Variants in FAM186A observed in about 807,000 individuals in gnomAD.
FAM186A encodes protein FAM186A.
Under a neutral mutation model 216.8 loss-of-function variants are expected in FAM186A, and 163 were observed. That is an observed-to-expected ratio of 0.75 (90% CI 0.66 to 0.86). The LOEUF is 0.86. Among genes scored for constraint, FAM186A ranks in the 40% least tolerant of loss-of-function variants. FAM186A has a pLI of 0.00. For synonymous variants in FAM186A, 805 were observed against 1,025.3 expected, an observed-to-expected ratio of 0.79 and a Z score of 4.10; for missense variants, 2,184 against 2,746.2, an observed-to-expected ratio of 0.80 and a Z score of 4.58.
intron 1 of FAM186A, among the ~76,000 whole-genome samples, chr12:50,378,913 A>T (rs961674952): frequency 3.9e-5 from 6 of 152,212 alleles, no homozygotes; most frequent in African/African-American, 1.4e-4. Context: ...TTTCTGCAGC[A>T]TTGTTTGTAA....
Position 50,356,209 on chromosome 12 carries a change from ACT to A in FAM186A, c.621_622del (p.Arg207SerfsTer18). On this transcript the variant is annotated frameshift_variant, in exon 4 of 8. Coordinates refer to ENST00000327337, the MANE Select transcript of FAM186A (RefSeq NM_001145475.3). LOFTEE classifies it high-confidence loss of function. ...ACGGGCTGTTGAAGGTCGTTTTATA[ACT>A]CTTTCTTTCCAAGATTTCCATAGAG... The A allele has an allele frequency of 1.3e-6, 2 of 1,550,422 alleles. No individual in the cohort carries two copies. The highest frequency in any genetic ancestry group is 1.4e-5 in the African/African-American group (1 of 73,080).
intron 1 of FAM186A, among the ~76,000 whole-genome samples, chr12:50,394,985 C>T (rs1452076584): frequency 6.6e-6 from 1 of 151,784 alleles, no homozygotes; most frequent in Non-Finnish European, 1.5e-5. Flanking sequence ...TCACCTTGAC[C>T]TCCTAAAGTG....
chr12:50,331,898 C>T (rs1321767841), intron 5 of FAM186A, 77 bp from the exon 6 acceptor site: 7 of 1,243,786 alleles, frequency 5.6e-6, no homozygotes, highest in Non-Finnish European at 7.6e-6. Context: ...AGAGCTGGCC[C>T]TAGACTAAAC....
At chr12:50,383,348 G>C (rs933695093) in intron 1 of FAM186A, among the ~76,000 whole-genome samples, 2 of 139,002 alleles carry the variant, frequency 1.4e-5, no homozygotes, top group Middle Eastern at 7.9e-3. Context: ...TGTAATCCCA[G>C]CACTTTGGGA....
At chr12:50,339,478 A>C (rs115038075) in intron 4 of FAM186A, among the ~76,000 whole-genome samples, 3 of 152,256 alleles carry the variant, frequency 2.0e-5, no homozygotes, top group Admixed American at 1.3e-4. Context: ...CTTTCAAAAC[A>C]TTTAGGTGGA....
chr12:50,395,728 G>C (rs905631037), intron 1 of FAM186A, among the ~76,000 whole-genome samples: 3 of 152,034 alleles, frequency 2.0e-5, no homozygotes, highest in Admixed American at 2.0e-4. Flanking sequence ...CTGGCTAATA[G>C]CTGTTTGATA....
intron 1 of FAM186A, among the ~76,000 whole-genome samples, chr12:50,364,664 G>A (rs964186058): frequency 2.2e-4 from 33 of 152,112 alleles, no homozygotes; most frequent in African/African-American, 7.7e-4. Context: ...TGCTTTGGGA[G>A]ACCAAAGCGG....
intron 3 of FAM186A, among the ~76,000 whole-genome samples, chr12:50,358,859 G>A (rs1943003657): frequency 6.7e-6 from 1 of 148,432 alleles, no homozygotes; most frequent in African/African-American, 2.5e-5. Flanking sequence ...GGAGGTGGAG[G>A]TTGTAGTGAG....
intron 4 of FAM186A, 135 bp from the exon 5 acceptor site, chr12:50,334,238 C>T: frequency 2.7e-6 from 2 of 736,424 alleles, no homozygotes; most frequent in Non-Finnish European, 4.2e-6. Flanking sequence ...ATGGTGCAAT[C>T]ATGGCTTATT....
rs1383898895 is a variant in FAM186A, at chr12:50,346,237, A to AAAGAAAGAAAGCAAG, written c.6503+4091_6503+4092insCTTGCTTTCTTTCTT. On this transcript the variant is annotated intron_variant, in intron 4 of 7. Transcript: ENST00000327337. ...AGAGAGAAGGAAAGAAAGAAAGAAA[A>AAAGAAAGAAAGCAAG]AAAGAAAGAAAGAAAGAAAGAAAGA... is the stretch of plus-strand genomic sequence containing the variant. 3.9e-5 allele frequency among the ~76,000 whole-genome samples: 4 copies of AAAGAAAGAAAGCAAG among 102,184 alleles called. 1 individual carries two copies. The highest frequency in any genetic ancestry group is 1.2e-4 in the Admixed American group (1 of 8,062). The allele number at this position is 102,184 out of a possible 152,430, so 67.0% of individuals were successfully genotyped here.
chr12:50,365,690 G>A (rs1943080655), intron 1 of FAM186A: 3 of 732,998 alleles, frequency 4.1e-6, no homozygotes, highest in Non-Finnish European at 5.0e-6. Context: ...ACTGAAGCAA[G>A]AATCACAAAA....
Position 50,352,452 on chromosome 12 carries a change from G to C in FAM186A, c.4380C>G (p.Thr1460=), listed in dbSNP as rs761850795. The change falls in exon 4 of 8, where the codon ACC becomes ACG. Residue 1460 remains threonine, a synonymous_variant. Coordinates refer to ENST00000327337, the MANE Select transcript of FAM186A (RefSeq NM_001145475.3). ...QQAQELGITL[T]PQQAQELGIP... Reference sequence around the variant, plus strand: ...TCCCCAATTCCTGAGCCTGCTGAGGGGTGAGAGTGATCCCCAGCTCCTGAG... The same window carrying C: ...TCCCCAATTCCTGAGCCTGCTGAGGCGTGAGAGTGATCCCCAGCTCCTGAG... 1 of 1,502,686 alleles carries C rather than the reference G, an allele frequency of 6.7e-7. No homozygotes were observed. The allele number at this position is 1,502,686 out of a possible 1,614,324, so 93.1% of individuals were successfully genotyped here.
intron 4 of FAM186A, among the ~76,000 whole-genome samples, chr12:50,347,404 G>A (rs1443975348): frequency 6.6e-6 from 1 of 152,068 alleles, no homozygotes; most frequent in Non-Finnish European, 1.5e-5. Context: ...GAAAATAACA[G>A]AGACTGGAAG....
chr12:50,355,470 C>A lies in FAM186A; in HGVS notation c.1362G>T (p.Glu454Asp), dbSNP rs1000261933. 1 of 1,551,182 alleles carries A rather than the reference C, an allele frequency of 6.4e-7. No homozygotes were observed. The highest frequency in any genetic ancestry group is 2.4e-5 in the East Asian group (1 of 40,910). ...GDFYQEDETD[E>D]YQSWKRSHKK... The stretch of plus-strand genomic sequence containing the variant: ...TGTGGCTTCTTTTCCATGATTGATA[C>A]TCATCAGTCTCATCTTCCTGATAGA... Residue 454 changes from glutamate to aspartate, a missense_variant, in exon 4 of 8, where the codon GAG becomes GAT. Glu to Asp is a conservative substitution (Grantham distance 45). This residue lies in a region of FAM186A where 1,132 missense variants were observed against 1,263.4 expected (regional missense o/e 0.90). Transcript: ENST00000327337.
chr12:50,360,943 A>C lies in FAM186A; in HGVS notation c.413-17T>G. The C allele has an allele frequency of 2.0e-6, 3 of 1,518,296 alleles. No homozygotes were observed. Among genetic ancestry groups the C allele is most frequent in the Non-Finnish European group, 2.6e-6 (3 of 1,136,430 alleles). The allele number at this position is 1,518,296 out of a possible 1,614,324, so 94.1% of individuals were successfully genotyped here. On this transcript the variant is annotated splice_polypyrimidine_tract_variant and intron_variant, in intron 2 of 7. Transcript: ENST00000327337. The stretch of plus-strand genomic sequence containing the variant: ...AAACATCATCTTGAAGAGAGTAAAA[A>C]AAAAATCATTTTTGTGCAGAAAAAT...
rs1244664848 is a variant in FAM186A at position 50,353,044 on chromosome 12, A to T, written c.3788T>A (p.Leu1263Gln). Residue 1263 changes from leucine to glutamine, a missense_variant, in exon 4 of 8, where the codon CTG becomes CAG. This residue lies in a region of FAM186A where 267 missense variants were observed against 446.2 expected (regional missense o/e 0.60). Coordinates refer to ENST00000327337, the MANE Select transcript of FAM186A (RefSeq NM_001145475.3). ...ITLTPKQVQELGIPLTPQQAQ... is the reference protein window; with the variant it reads ...ITLTPKQVQEQGIPLTPQQAQ... Reference sequence around the variant, plus strand: ...CTGCTGAGGAGTAAGAGGGATCCCCAGTTCCTGAACCTGCTTAGGGGTGAG... The same window carrying T: ...CTGCTGAGGAGTAAGAGGGATCCCCTGTTCCTGAACCTGCTTAGGGGTGAG... The T allele has an allele frequency of 2.6e-5, 40 of 1,533,722 alleles. No homozygotes were observed. Among genetic ancestry groups the T allele is most frequent in the Non-Finnish European group, 3.2e-5 (37 of 1,138,620 alleles).
chr12:50,357,499 T>TG (rs1942989515), intron 3 of FAM186A, among the ~76,000 whole-genome samples: 1 of 61,938 alleles, frequency 1.6e-5, no homozygotes, highest in Admixed American at 2.3e-4. Flanking sequence ...AGACTCTGTC[T>TG]GAAAAAAAAA....
At chr12:50,340,575 T>C (rs1414436722) in intron 4 of FAM186A, among the ~76,000 whole-genome samples, 2 of 151,742 alleles carry the variant, frequency 1.3e-5, no homozygotes, top group African/African-American at 2.4e-5. Context: ...CTGGGCATGA[T>C]GGCACACACA....
At chr12:50,356,649 A>C (rs1454686587) in intron 3 of FAM186A, among the ~76,000 whole-genome samples, 1 of 152,084 alleles carries the variant, frequency 6.6e-6, no homozygotes, top group East Asian at 1.9e-4. Context: ...TAGGACATGA[A>C]CTCAGCTGTG....
Sources: allele counts gnomAD v4.1 joint callset (sites outside exome capture counted in the v4.1 genomes callset), GRCh38; gene constraint gnomAD v4.1.1; regional missense constraint gnomAD v4.1.1; transcripts MANE v1.5; gene names NCBI Gene and HGNC (gene_info 2026-07-23, HGNC 2026-07-21).